The following COL23A1 variants were observed in gnomAD, a reference collection of about 807,000 sequenced individuals.
COL23A1 encodes collagen type XXIII alpha 1 chain.
In COL23A1, 97 loss-of-function variants were observed where a neutral mutation model predicts 99.3. The ratio of observed to expected loss-of-function variants is 0.98; its 90% confidence interval spans 0.83 to 1.16. The LOEUF (loss-of-function observed/expected upper bound fraction) is 1.16, where lower values mean the gene tolerates loss of function less well. COL23A1 is among the 50% of genes most tolerant of loss of function. COL23A1 has a pLI of 0.00. For missense variants in COL23A1, 762 were observed against 757.4 expected, an observed-to-expected ratio of 1.01 and a Z score of -0.07; for synonymous variants, 320 against 308.2, an observed-to-expected ratio of 1.04 and a Z score of -0.40.
At chr5:178,554,042 C>T (rs1762143192) in intron 2 of COL23A1, among the ~76,000 whole-genome samples, 1 of 152,200 alleles carries the variant, frequency 6.6e-6, no homozygotes. Flanking sequence ...AGGTGGAAAA[C>T]CGAGGCACAA....
rs1283923325 is a variant in COL23A1 at position 178,307,104 on chromosome 5, T to C, written c.362-185A>G. On this transcript the variant is annotated intron_variant, in intron 2 of 28. Transcript: ENST00000390654. This position sits in a 1 kb window ranked among gnomAD's most constrained non-coding sequence, Gnocchi z 4.2. The stretch of plus-strand genomic sequence containing the variant: ...GAAACCCCTTCCTTCTGCCACTACC[T>C]CGCCTGTTCCGCCAACCCCCCTCCC... Among the ~76,000 whole-genome samples the C allele has an allele frequency of 6.6e-6, 1 of 152,026 alleles. No homozygotes were observed. The highest frequency in any genetic ancestry group is 1.5e-5 in the Non-Finnish European group (1 of 67,980).
intron 5 of COL23A1, among the ~76,000 whole-genome samples, chr5:178,282,873 C>CTT (rs138374899): frequency 1.3e-5 from 2 of 148,734 alleles, no homozygotes; most frequent in Non-Finnish European, 3.0e-5. Flanking sequence ...TTTCTTTTTT[C>CTT]TTTTTTTTTT....
intron 2 of COL23A1, among the ~76,000 whole-genome samples, chr5:178,418,820 C>T (rs569470459): frequency 1.4e-4 from 21 of 152,340 alleles, no homozygotes; most frequent in African/African-American, 4.3e-4. Context: ...TACGCCTGCA[C>T]AGTAAGCCAT....
intron 1 of COL23A1, chr5:178,561,966 T>A: frequency 7.5e-6 from 3 of 400,824 alleles, no homozygotes; most frequent in Non-Finnish European, 9.9e-6. Context: ...CAGCCTCATT[T>A]TACAGACGGG....
chr5:178,374,344 C>T (rs548789942), intron 2 of COL23A1, among the ~76,000 whole-genome samples: 104 of 152,276 alleles, frequency 6.8e-4, no homozygotes, highest in African/African-American at 2.4e-3. Flanking sequence ...AGGCCCAGTT[C>T]AACAGTCACT....
chr5:178,467,559 G>C (rs1756486977), intron 2 of COL23A1, among the ~76,000 whole-genome samples: 1 of 152,172 alleles, frequency 6.6e-6, no homozygotes, highest in African/African-American at 2.4e-5. Context: ...GAACCACAGA[G>C]AGGAGGTCCC....
At position 178,280,072 on chromosome 5, in the gene COL23A1, C is replaced by T. The variant is rs575461666; in HGVS notation, c.441+8252G>A. ...AAATACCCGCTGAATGGATCAACAACGGTGAAGGGAACGATTCTCTGAATG... is the reference window on the plus strand; with the variant it reads ...AAATACCCGCTGAATGGATCAACAATGGTGAAGGGAACGATTCTCTGAATG... On this transcript the variant is annotated intron_variant, in intron 5 of 28. Transcript: ENST00000390654. This position sits in a 1 kb window ranked among gnomAD's most constrained non-coding sequence, Gnocchi z 4.9. Among the ~76,000 whole-genome samples the T allele has an allele frequency of 2.6e-5, 4 of 152,360 alleles. No homozygotes were observed. The East Asian group carries it at 7.7e-4, about 29-fold the overall frequency.
At chr5:178,269,578 C>T (rs146065740) in intron 6 of COL23A1, among the ~76,000 whole-genome samples, 1,812 of 127,826 alleles carry the variant, frequency 0.014, 56 homozygotes, top group African/African-American at 0.055. Context: ...ATCCACCCAC[C>T]CACTCATCCA....
chr5:178,341,228 A>T (rs1176080164), intron 2 of COL23A1, among the ~76,000 whole-genome samples: 1 of 152,206 alleles, frequency 6.6e-6, no homozygotes, highest in Non-Finnish European at 1.5e-5. Flanking sequence ...GGGCTCAAGC[A>T]ATTCTCCCGC....
chr5:178,472,811 C>T (rs556932139), intron 2 of COL23A1, among the ~76,000 whole-genome samples: 8 of 152,180 alleles, frequency 5.3e-5, no homozygotes, highest in South Asian at 2.1e-4. Context: ...CTCAACCAAC[C>T]GCAGATTGAA....
intron 3 of COL23A1, among the ~76,000 whole-genome samples, chr5:178,296,293 A>G (rs1757735988): frequency 6.6e-6 from 1 of 152,210 alleles, no homozygotes; most frequent in Non-Finnish European, 1.5e-5. Flanking sequence ...TCGCTCCCTC[A>G]CTGAGCACTC....
At chr5:178,292,217 G>A (rs757111129) in intron 3 of COL23A1, among the ~76,000 whole-genome samples, 73 of 110,530 alleles carry the variant, frequency 6.6e-4, no homozygotes, top group Non-Finnish European at 1.4e-3. Context: ...CAGCACTTGC[G>A]CCTGTGCCCG....
intron 11 of COL23A1, 21 bp from the exon 12 acceptor site, chr5:178,259,768 T>A: frequency 6.3e-7 from 1 of 1,594,648 alleles, no homozygotes; most frequent in Non-Finnish European, 8.6e-7. Context: ...CAATGGGGGG[T>A]TCAAGAGCAA....
intron 2 of COL23A1, among the ~76,000 whole-genome samples, chr5:178,543,640 G>A (rs1456107318): frequency 1.3e-5 from 2 of 152,116 alleles, no homozygotes; most frequent in Non-Finnish European, 2.9e-5. Flanking sequence ...GGTGGCGGAG[G>A]CAGATACCAG....
chr5:178,426,031 G>C (rs895982659), intron 2 of COL23A1, among the ~76,000 whole-genome samples: 13 of 152,160 alleles, frequency 8.5e-5, no homozygotes, highest in Non-Finnish European at 1.5e-4. Flanking sequence ...TCCACAGCAG[G>C]GGGGGCAACC....
intron 2 of COL23A1, among the ~76,000 whole-genome samples, chr5:178,529,934 C>T (rs1760548000): frequency 6.6e-6 from 1 of 152,194 alleles, no homozygotes; most frequent in Admixed American, 6.5e-5. Context: ...CAAAATCAAC[C>T]AGGTATTGTT....
intron 7 of COL23A1, among the ~76,000 whole-genome samples, 185 bp downstream of exon 7, chr5:178,268,545 C>T (rs896774417): frequency 6.6e-6 from 1 of 152,174 alleles, no homozygotes; most frequent in Non-Finnish European, 1.5e-5. Flanking sequence ...GCCGTATTGT[C>T]AAATGTAAGC....
chr5:178,317,376 G>T (rs1225511817), intron 2 of COL23A1, among the ~76,000 whole-genome samples: 1 of 152,184 alleles, frequency 6.6e-6, no homozygotes, highest in African/African-American at 2.4e-5. Context: ...AAGGGCATTA[G>T]AATTCCCTGA....
chr5:178,394,102 A>G (rs1387006186), intron 2 of COL23A1, among the ~76,000 whole-genome samples: 2 of 152,194 alleles, frequency 1.3e-5, no homozygotes, highest in African/African-American at 2.4e-5. Context: ...CTGGGAGGGC[A>G]GGAGGAAGGG....
Sources: allele counts gnomAD v4.1 joint callset (sites outside exome capture counted in the v4.1 genomes callset), GRCh38; gene constraint gnomAD v4.1.1; non-coding constraint Gnocchi (gnomAD v3.1); transcripts MANE v1.5; gene names NCBI Gene and HGNC (gene_info 2026-07-23, HGNC 2026-07-21).